The following CLIP1 variants were observed in gnomAD, a reference collection of about 807,000 sequenced individuals.
CLIP1 encodes CAP-Gly domain containing linker protein 1.
In CLIP1, 66 loss-of-function variants were observed where a neutral mutation model predicts 161.6. The observed-to-expected ratio is 0.41, with a 90% CI of 0.33 to 0.50. The LOEUF (loss-of-function observed/expected upper bound fraction) is 0.50. Ranked by LOEUF, CLIP1 falls within the 20% of genes least tolerant of loss-of-function variation. The probability of loss-of-function intolerance (pLI) is 0.27; values close to 1 mark genes in which losing one functional copy is unlikely to be tolerated. For synonymous variants in CLIP1, 598 were observed against 626.2 expected (o/e 0.96, Z 0.67); for missense variants, 1,376 against 1,702.0 (o/e 0.81, Z 3.37).
intron 1 of CLIP1, among the ~76,000 whole-genome samples, chr12:122,413,209 G>C (rs1956605346): frequency 6.6e-6 from 1 of 152,124 alleles, no homozygotes; most frequent in Non-Finnish European, 1.5e-5. Flanking sequence ...GAGGTCAAAG[G>C]CCTTGATTAA....
At chr12:122,273,463 T>C (rs902092911) in intron 25 of CLIP1, among the ~76,000 whole-genome samples, 3 of 152,062 alleles carry the variant, frequency 2.0e-5, no homozygotes, top group Admixed American at 2.0e-4. Context: ...GTTAGCCAAG[T>C]TGGTCTTGAA....
rs1404805006 is a variant in CLIP1, at chr12:122,352,912, G to C, written c.1308-126C>G. On this transcript the variant is annotated intron_variant, in intron 7 of 25. Coordinates refer to ENST00000620786, the MANE Select transcript of CLIP1 (RefSeq NM_001247997.2). ...GCCACTCCTATAATCCCAGCAATTTGGGAGGTGGAGGCAGGAGGATCGCTT... is the reference window on the plus strand; with the variant it reads ...GCCACTCCTATAATCCCAGCAATTTCGGAGGTGGAGGCAGGAGGATCGCTT... 4.0e-6 allele frequency: 3 copies of C among 748,394 alleles called. No homozygotes were observed. In the Admixed American group the frequency reaches 6.4e-5, roughly 16 times the overall value. The allele number at this position is 748,394 out of a possible 1,614,324, so 46.4% of individuals were successfully genotyped here.
At chr12:122,411,778 T>C (rs1184559323) in intron 1 of CLIP1, among the ~76,000 whole-genome samples, 2 of 152,056 alleles carry the variant, frequency 1.3e-5, no homozygotes, top group East Asian at 3.9e-4. Context: ...TTGGCAGAAA[T>C]AAGGAGTGAC....
At chr12:122,405,205 C>G (rs1164437815) in intron 1 of CLIP1, among the ~76,000 whole-genome samples, 1 of 152,116 alleles carries the variant, frequency 6.6e-6, no homozygotes, top group Non-Finnish European at 1.5e-5. Context: ...TGTGTAATCC[C>G]ATGAGACGTT....
intron 15 of CLIP1, among the ~76,000 whole-genome samples, chr12:122,330,708 T>G (rs1421694734): frequency 6.6e-6 from 1 of 150,552 alleles, no homozygotes; most frequent in African/African-American, 2.5e-5. Flanking sequence ...CAAATGATTC[T>G]CCTGCCTCAG....
chr12:122,350,973 CA>C, intron 9 of CLIP1, 137 bp downstream of exon 9: 1 of 569,590 alleles, frequency 1.8e-6, no homozygotes, highest in African/African-American at 1.9e-5. Context: ...CTTTGAAAGC[CA>C]CATGCACAGA....
intron 20 of CLIP1, among the ~76,000 whole-genome samples, chr12:122,289,046 G>C (rs1302532516): frequency 6.6e-6 from 1 of 150,530 alleles, no homozygotes; most frequent in Non-Finnish European, 1.5e-5. Flanking sequence ...TCGATCTCCT[G>C]ACCTTGTGAT....
Position 122,361,198 on chromosome 12 carries a change from G to A in CLIP1, c.783-17C>T. Reference sequence around the variant, plus strand: ...TGAAAATACCTTTAGAGAACAATAAGAACAATAACAAAAAACAACTTAATC... The same window carrying A: ...TGAAAATACCTTTAGAGAACAATAAAAACAATAACAAAAAACAACTTAATC... On this transcript the variant is annotated splice_polypyrimidine_tract_variant and intron_variant, in intron 4 of 25. Transcript: ENST00000620786. 1 of 1,567,084 alleles carries A rather than the reference G, an allele frequency of 6.4e-7. No homozygotes were observed.
At chr12:122,404,882 A>G (rs1391486145) in intron 1 of CLIP1, among the ~76,000 whole-genome samples, 1 of 150,338 alleles carries the variant, frequency 6.7e-6, no homozygotes, top group Non-Finnish European at 1.5e-5. Flanking sequence ...CCCGGGTGAC[A>G]GAGCGAGACT....
At chr12:122,310,398 T>C (rs982740608) in intron 19 of CLIP1, among the ~76,000 whole-genome samples, 15 of 152,250 alleles carry the variant, frequency 9.9e-5, no homozygotes, top group African/African-American at 3.6e-4. Context: ...AATCTGAGTA[T>C]ATTTTTAGGA....
At chr12:122,393,912 C>CAAAAAAAAAAAAAAAAAAAA (rs71082981) in intron 1 of CLIP1, among the ~76,000 whole-genome samples, 13 of 63,194 alleles carry the variant, frequency 2.1e-4, no homozygotes, top group African/African-American at 5.5e-4. Flanking sequence ...ATTCTGTCTC[C>CAAAAAAAAAAAAAAAAAAAA]AAAAAAAAAA....
chr12:122,286,813 A>C lies in CLIP1; in HGVS notation c.3647+1676T>G, dbSNP rs569215782. Reference sequence around the variant, plus strand: ...GGAGATAGAGACCATCCTGGCTAACACGGTGAAACCCCATCTCTACTAAAA... The same window carrying C: ...GGAGATAGAGACCATCCTGGCTAACCCGGTGAAACCCCATCTCTACTAAAA... On this transcript the variant is annotated intron_variant, in intron 21 of 25. Transcript: ENST00000620786. 3.9e-5 allele frequency among the ~76,000 whole-genome samples: 6 copies of C among 152,164 alleles called. No homozygotes were observed. In the East Asian group the frequency reaches 1.2e-3, roughly 29 times the overall value.
intron 10 of CLIP1, chr12:122,342,918 T>C (rs1345595135): frequency 6.6e-6 from 1 of 151,624 alleles, no homozygotes; most frequent in African/African-American, 2.4e-5. Context: ...ATATATCAGT[T>C]ACATAAAATA....
chr12:122,293,678 A>G (rs1950345413), intron 20 of CLIP1, among the ~76,000 whole-genome samples: 1 of 151,696 alleles, frequency 6.6e-6, no homozygotes, highest in Non-Finnish European at 1.5e-5. Flanking sequence ...GGTTTTCTCC[A>G]CGTTGATCAG....
chr12:122,351,647 C>A (rs1953041983), intron 8 of CLIP1, among the ~76,000 whole-genome samples: 1 of 152,114 alleles, frequency 6.6e-6, no homozygotes, highest in East Asian at 1.9e-4. Context: ...TGTAGCAAAA[C>A]TGCATATTTG....
intron 4 of CLIP1, among the ~76,000 whole-genome samples, chr12:122,362,639 CAAAAAAAAAAAA>C (rs56183812): frequency 7.3e-4 from 14 of 19,130 alleles, no homozygotes; most frequent in Middle Eastern, 0.05. Flanking sequence ...GACTCCATCT[CAAAAAAAAAAAA>C]AAAAAAAAAA....
intron 24 of CLIP1, 38 bp from the exon 25 acceptor site, chr12:122,274,200 A>C: frequency 6.5e-7 from 1 of 1,538,156 alleles, no homozygotes; most frequent in Non-Finnish European, 9.0e-7. Context: ...AATGTCAAGA[A>C]TATATATAAG....
intron 1 of CLIP1, among the ~76,000 whole-genome samples, chr12:122,404,527 G>A (rs1351745047): frequency 1.3e-5 from 2 of 152,088 alleles, no homozygotes; most frequent in Non-Finnish European, 2.9e-5. Flanking sequence ...TGAACCCGGG[G>A]AGGTGGAGGT....
At chr12:122,418,117 A>G (rs1325450983) in intron 1 of CLIP1, among the ~76,000 whole-genome samples, 2 of 151,930 alleles carry the variant, frequency 1.3e-5, no homozygotes, top group East Asian at 3.9e-4. Context: ...CTTTTTGTTT[A>G]TTGTCTGCCT....
Sources: gnomAD v4.1 joint callset for allele counts (sites outside exome capture counted in the v4.1 genomes callset) on GRCh38, gnomAD v4.1.1 for gene constraint, MANE v1.5 for transcripts, NCBI Gene and HGNC (gene_info 2026-07-23, HGNC 2026-07-21) for gene names.